Variants in SLC45A1 observed in about 807,000 individuals in gnomAD.
The protein encoded by SLC45A1 is proton-associated sugar transporter A.
In SLC45A1, 28 loss-of-function variants were observed where a neutral mutation model predicts 57.6. The ratio of observed to expected loss-of-function variants is 0.49; its 90% confidence interval spans 0.36 to 0.67. SLC45A1 has a LOEUF of 0.67. SLC45A1 is among the 30% of genes least tolerant of loss of function. The pLI, the probability that SLC45A1 is intolerant of heterozygous loss-of-function variation, is 0.00. For synonymous variants in SLC45A1, 459 were observed against 471.5 expected (o/e 0.97, Z 0.34); for missense variants, 814 against 1,041.5 (o/e 0.78, Z 3.01).
chr1:8,333,704 G>A (rs186424293), intron 5 of SLC45A1, among the ~76,000 whole-genome samples: 29 of 152,338 alleles, frequency 1.9e-4, no homozygotes, highest in African/African-American at 7.0e-4. Context: ...CAAGGTGCTG[G>A]GATTCCAGGC....
rs1264866204 is a variant in SLC45A1, at chr1:8,326,011, C to T, written c.684C>T (p.Asp228=). The T allele has an allele frequency of 6.2e-7, 1 of 1,606,968 alleles. No homozygotes were observed. The highest frequency in any genetic ancestry group is 8.5e-7 in the Non-Finnish European group (1 of 1,179,984). The change falls in exon 4 of 9, where the codon GAC becomes GAT. Residue 228 remains aspartate (D), a synonymous_variant. Coordinates refer to ENST00000471889, the MANE Select transcript of SLC45A1 (RefSeq NM_001080397.3). This position sits in a 1 kb window ranked among gnomAD's most constrained non-coding sequence, Gnocchi z 5.5. The part of the protein sequence containing the change: ...MMDVCSPADQ[D]RGLNIHALLA... ...ACGTGTGCAGCCCCGCAGACCAGGACCGAGGCCTGAACATCCACGCCCTCC... is the reference window on the plus strand; with the variant it reads ...ACGTGTGCAGCCCCGCAGACCAGGATCGAGGCCTGAACATCCACGCCCTCC...
In SLC45A1 at chr1:8,322,322, GGATGGATGGATGGATGGATGCA is replaced by G. The variant is rs1640056601; in HGVS notation, c.-24-1983_-24-1962del. On this transcript the variant is annotated intron_variant, in intron 1 of 8. Transcript: ENST00000471889. ...TGGATGGATGGATGGATGGATGGATGGATGGATGGATGGATGGATGCATGGATGGATGGATGGGTGGGTGGGT... is the reference window on the plus strand; with the variant it reads ...TGGATGGATGGATGGATGGATGGATGTGGATGGATGGATGGGTGGGTGGGT... 1.6e-5 allele frequency among the ~76,000 whole-genome samples: 2 copies of G among 124,230 alleles called. 1 individual carries two copies. Among genetic ancestry groups the G allele is most frequent in the Non-Finnish European group, 3.4e-5 (2 of 58,454 alleles). The allele number at this position is 124,230 out of a possible 152,430, so 81.5% of individuals were successfully genotyped here.
In SLC45A1 at chr1:8,335,340, C is replaced by A; in HGVS notation, c.1444-97C>A. ...AAGACAGACCCTTGCAGCCTCCGTG[C>A]GGTGTTTCCGAGAGCGCATTCCCCT... On this transcript the variant is annotated intron_variant, in intron 5 of 8. Coordinates refer to ENST00000471889, the MANE Select transcript of SLC45A1 (RefSeq NM_001080397.3). This position sits in a 1 kb window ranked among gnomAD's most constrained non-coding sequence, Gnocchi z 4.1. 5.8e-6 allele frequency: 7 copies of A among 1,200,768 alleles called. No homozygotes were observed. The South Asian group carries it at 8.4e-5, about 14-fold the overall frequency. 74.4% of individuals were successfully genotyped at this position (1,200,768 alleles called of 1,614,324 possible). A position where few individuals can be genotyped will look rare whatever the true frequency, so the allele number is the denominator to read the frequency against.
At position 8,340,165 on chromosome 1, in the gene SLC45A1, CT is replaced by C. The variant is rs113004016; in HGVS notation, c.1980+482del. Among the ~76,000 whole-genome samples, 494 of 141,714 alleles carry C rather than the reference CT, an allele frequency of 3.5e-3. 1 individual carries two copies. Among genetic ancestry groups the C allele is most frequent in the East Asian group, 0.017 (82 of 4,912 alleles). The allele number at this position is 141,714 out of a possible 152,430, so 93.0% of individuals were successfully genotyped here. On this transcript the variant is annotated intron_variant, in intron 8 of 8. Transcript: ENST00000471889. ...AGAACAAAAACATCTTTCTTTCTTT[CT>C]TTTTTTTTTTTTTTGAGATGGAGTC... is the stretch of plus-strand genomic sequence containing the variant.
intron 1 of SLC45A1, among the ~76,000 whole-genome samples, chr1:8,322,027 A>G (rs866887047): frequency 3.1e-3 from 53 of 17,024 alleles, no homozygotes; most frequent in Admixed American, 6.3e-3. Context: ...GGATGGATGG[A>G]TGGGTGAGTG....
Position 8,324,453 on chromosome 1 carries a change from C to T in SLC45A1, c.124C>T (p.Arg42Trp), listed in dbSNP as rs146331013. Reference protein sequence around the residue: ...SGSVTRHLSHRANNFKRHPKR... With the variant: ...SGSVTRHLSHWANNFKRHPKR... ...GTCCGTGACACGACACCTCAGTCAC[C>T]GGGCCAACAACTTCAAACGACACCC... The change falls in exon 2 of 9, where the codon CGG (arginine) becomes TGG (tryptophan). Residue 42 changes from arginine to tryptophan, a missense_variant. Transcript: ENST00000471889. 7.2e-5 allele frequency: 116 copies of T among 1,612,734 alleles called. No individual in the cohort carries two copies. Among genetic ancestry groups the T allele is most frequent in the Admixed American group, 4.2e-4 (25 of 59,986 alleles).
chr1:8,324,702 G>A lies in SLC45A1; in HGVS notation c.373G>A (p.Val125Met). 10 of 1,593,952 alleles carry A rather than the reference G, an allele frequency of 6.3e-6. No individual in the cohort carries two copies. Among genetic ancestry groups the A allele is most frequent in the Non-Finnish European group, 7.7e-6 (9 of 1,170,016 alleles). The change falls in exon 2 of 9, where the codon GTG (valine) becomes ATG (methionine). Residue 125 changes from valine to methionine, a missense_variant. Physicochemically the swap from Val to Met is conservative, Grantham distance 21 (BLOSUM62 1). Coordinates refer to ENST00000471889, the MANE Select transcript of SLC45A1 (RefSeq NM_001080397.3). ...CCTGCCCGACCAGCTCTACAGCCTG[G>A]TGTGGTTCATCAGCCCCATCCTCGG... ...MGLPDQLYSL[V>M]WFISPILGFL...
intron 8 of SLC45A1, among the ~76,000 whole-genome samples, chr1:8,340,914 C>T (rs867107722): frequency 7.9e-5 from 12 of 151,908 alleles, no homozygotes; most frequent in African/African-American, 1.4e-4. Context: ...GAGAGGGGTC[C>T]GGGCGTGGTG....
intron 7 of SLC45A1, among the ~76,000 whole-genome samples, chr1:8,338,272 G>C (rs548763201): frequency 6.6e-6 from 1 of 152,256 alleles, no homozygotes; most frequent in African/African-American, 2.4e-5. Flanking sequence ...GGGCGAAGTG[G>C]GGGGCCCTGG....
In SLC45A1 at chr1:8,326,010, A is replaced by C; in HGVS notation, c.683A>C (p.Asp228Ala). 6.2e-7 allele frequency: 1 copy of C among 1,607,100 alleles called. No homozygotes were observed. Among genetic ancestry groups the C allele is most frequent in the Non-Finnish European group, 8.5e-7 (1 of 1,179,988 alleles). ...GACGTGTGCAGCCCCGCAGACCAGG[A>C]CCGAGGCCTGAACATCCACGCCCTC... ...MMDVCSPADQ[D>A]RGLNIHALLA... The change falls in exon 4 of 9, where the codon GAC (aspartate) becomes GCC (alanine). Residue 228 changes from aspartate to alanine, a missense_variant. Coordinates refer to ENST00000471889, the MANE Select transcript of SLC45A1 (RefSeq NM_001080397.3). This position sits in a 1 kb window ranked among gnomAD's most constrained non-coding sequence, Gnocchi z 5.5.
At chr1:8,342,070 G>A (rs904580390) in intron 8 of SLC45A1, among the ~76,000 whole-genome samples, 2 of 152,180 alleles carry the variant, frequency 1.3e-5, no homozygotes, top group South Asian at 2.1e-4. Flanking sequence ...AGCCGGGCGT[G>A]GTGGCGGGCG....
chr1:8,329,441 T>G (rs899403606), intron 4 of SLC45A1, among the ~76,000 whole-genome samples: 1 of 152,206 alleles, frequency 6.6e-6, no homozygotes, highest in Non-Finnish European at 1.5e-5. Flanking sequence ...CGCAGCTGGC[T>G]GGGGTGGTGC....
chr1:8,328,575 A>G lies in SLC45A1; in HGVS notation c.716-1634A>G, dbSNP rs1248344225. 6.6e-6 allele frequency among the ~76,000 whole-genome samples: 1 copy of G among 151,976 alleles called. No homozygotes were observed. Among genetic ancestry groups the G allele is most frequent in the Non-Finnish European group, 1.5e-5 (1 of 67,978 alleles). On this transcript the variant is annotated intron_variant, in intron 4 of 8. Coordinates refer to ENST00000471889, the MANE Select transcript of SLC45A1 (RefSeq NM_001080397.3). This position sits in a 1 kb window ranked among gnomAD's most constrained non-coding sequence, Gnocchi z 4.6. The stretch of plus-strand genomic sequence containing the variant: ...TCATCTGGGCCGGGCGTGGTGGCTC[A>G]TGCATGTACTCCCAGCACTTTGGGA...
chr1:8,337,501 C>G (rs916788725), intron 6 of SLC45A1, among the ~76,000 whole-genome samples: 5 of 152,242 alleles, frequency 3.3e-5, no homozygotes, highest in African/African-American at 1.2e-4. Context: ...TCACTGCAAG[C>G]TCCACCTCCC....
In SLC45A1 at chr1:8,335,517, C is replaced by T. The variant is rs61743285; in HGVS notation, c.1524C>T (p.Ser508=). 2,486 of 1,605,154 alleles carry T rather than the reference C, an allele frequency of 1.5e-3. 30 individuals carry two copies. In the African/African-American group the frequency reaches 0.026, roughly 16 times the overall value. ...GSSERAEQPL[S]VGRLCSTICN... is the part of the protein sequence containing the mutation. ...GCGAGCGCGCGGAGCAGCCTCTGTC[C>T]GTGGGGCGCCTCTGCTCCACCATCT... Residue 508 remains serine, a synonymous_variant, in exon 6 of 9, where the codon TCC becomes TCT. Coordinates refer to ENST00000471889, the MANE Select transcript of SLC45A1 (RefSeq NM_001080397.3). The surrounding 1 kb of genome is among the most constrained non-coding windows in gnomAD (Gnocchi z 4.1).
Position 8,326,122 on chromosome 1 carries a change from C to T in SLC45A1, c.715+80C>T. The stretch of plus-strand genomic sequence containing the variant: ...GTGTGGCTTTCGAGGCCCTTCCTCA[C>T]TCCCTGATTTAACAAAGAAGCTGGG... On this transcript the variant is annotated intron_variant, in intron 4 of 8. Transcript: ENST00000471889. The surrounding 1 kb of genome is among the most constrained non-coding windows in gnomAD (Gnocchi z 5.5). 2.8e-6 allele frequency: 3 copies of T among 1,080,676 alleles called. No individual in the cohort carries two copies. Among genetic ancestry groups the T allele is most frequent in the Non-Finnish European group, 4.1e-6 (3 of 738,434 alleles). The allele number at this position is 1,080,676 out of a possible 1,614,324, so 66.9% of individuals were successfully genotyped here. A position where few individuals can be genotyped will look rare whatever the true frequency, so the allele number is the denominator to read the frequency against.
chr1:8,343,243 C>G lies in SLC45A1; in HGVS notation c.1981-504C>G, dbSNP rs551576581. On this transcript the variant is annotated intron_variant, in intron 8 of 8. Transcript: ENST00000471889. This position sits in a 1 kb window ranked among gnomAD's most constrained non-coding sequence, Gnocchi z 7.7. ...CACAGACCACACTCTCAGCCACTGTCCCCCAGCATGGCATGCAGGGGAGGG... is the reference window on the plus strand; with the variant it reads ...CACAGACCACACTCTCAGCCACTGTGCCCCAGCATGGCATGCAGGGGAGGG... 1.3e-5 allele frequency among the ~76,000 whole-genome samples: 2 copies of G among 152,322 alleles called. No homozygotes were observed. Among genetic ancestry groups the G allele is most frequent in the Non-Finnish European group, 2.9e-5 (2 of 68,038 alleles).
In SLC45A1 at chr1:8,325,963, C is replaced by G; in HGVS notation, c.636C>G (p.Asn212Lys). The G allele has an allele frequency of 6.2e-7, 1 of 1,613,006 alleles. No homozygotes were observed. Among genetic ancestry groups the G allele is most frequent in the Non-Finnish European group, 8.5e-7 (1 of 1,180,020 alleles). Residue 212 changes from asparagine (N) to lysine (K), a missense_variant, in exon 4 of 9, where the codon AAC becomes AAG. By Grantham distance (94) the Asn-to-Lys change is moderately conservative. Coordinates refer to ENST00000471889, the MANE Select transcript of SLC45A1 (RefSeq NM_001080397.3). This position sits in a 1 kb window ranked among gnomAD's most constrained non-coding sequence, Gnocchi z 6.3. ...ACTTTAGCGCCGACTCGGCGGACAA[C>G]CCCAGCCACGCCTACATGATGGACG... ...LMDFSADSAD[N>K]PSHAYMMDVC...
rs1640201388 is a variant in SLC45A1 at position 8,326,291 on chromosome 1, T to C, written c.715+249T>C. 6.6e-6 allele frequency among the ~76,000 whole-genome samples: 1 copy of C among 152,222 alleles called. No individual in the cohort carries two copies. Among genetic ancestry groups the C allele is most frequent in the Non-Finnish European group, 1.5e-5 (1 of 68,024 alleles). On this transcript the variant is annotated intron_variant, in intron 4 of 8. Coordinates refer to ENST00000471889, the MANE Select transcript of SLC45A1 (RefSeq NM_001080397.3). This position sits in a 1 kb window ranked among gnomAD's most constrained non-coding sequence, Gnocchi z 5.5. Reference sequence around the variant, plus strand: ...AATGTTTATATTCGTGGATTCTCATTGTTTGAGGTAGTTATGTTCTGCAGA... The same window carrying C: ...AATGTTTATATTCGTGGATTCTCATCGTTTGAGGTAGTTATGTTCTGCAGA...
Sources: allele counts gnomAD v4.1 joint callset (sites outside exome capture counted in the v4.1 genomes callset), GRCh38; gene constraint gnomAD v4.1.1; non-coding constraint Gnocchi (gnomAD v3.1); transcripts MANE v1.5; gene names NCBI Gene and HGNC (gene_info 2026-07-23, HGNC 2026-07-21).